PGBD1: variants seen among roughly 807,000 people sequenced by gnomAD.
PGBD1 encodes the protein piggyBac transposable element derived 1.
Under a neutral mutation model 34.7 loss-of-function variants are expected in PGBD1, and 25 were observed. The ratio of observed to expected loss-of-function variants is 0.72; its 90% CI spans 0.52 to 1.00. The LOEUF is 1.00. Ranked by LOEUF, PGBD1 falls within the 50% of genes least tolerant of loss-of-function variation. The pLI is 0.00. For synonymous variants in PGBD1, 292 were observed against 335.7 expected, an observed-to-expected ratio of 0.87 and a Z score of 1.42; for missense variants, 830 against 959.4, an observed-to-expected ratio of 0.87 and a Z score of 1.78.
chr6:28,288,884 A>T (rs2113746512), intron 4 of PGBD1, among the ~76,000 whole-genome samples: 1 of 152,242 alleles, frequency 6.6e-6, no homozygotes, highest in Admixed American at 6.5e-5. Flanking sequence ...GCTACTCGGG[A>T]GGCTGAGGCA....
intron 2 of PGBD1, among the ~76,000 whole-genome samples, chr6:28,284,763 A>T (rs1170455159): frequency 6.6e-6 from 1 of 152,168 alleles, no homozygotes; most frequent in Non-Finnish European, 1.5e-5. Flanking sequence ...TCAAGTGATC[A>T]TGCTGCCTTG....
At position 28,281,689 on chromosome 6, in the gene PGBD1, C is replaced by T; in HGVS notation, c.-268C>T. On this transcript the variant is annotated 5_prime_UTR_variant, in exon 1 of 7. Transcript: ENST00000682144. ...GGAGCACCGGGCCTCTGAGCTCCCT[C>T]GGGAGCCTTTCACGAGGTCAGCTAC... 3.0e-6 allele frequency: 1 copy of T among 337,102 alleles called. No individual in the cohort carries two copies. Among genetic ancestry groups the T allele is most frequent in the Admixed American group, 4.8e-5 (1 of 20,838 alleles). The allele number at this position is 337,102 out of a possible 1,614,324, so 20.9% of individuals were successfully genotyped here.
chr6:28,296,767 C>T lies in PGBD1; in HGVS notation c.643-49C>T. The T allele has an allele frequency of 2.5e-6, 4 of 1,605,636 alleles. No homozygotes were observed. In the African/African-American group the frequency reaches 5.3e-5, roughly 21 times the overall value. On this transcript the variant is annotated intron_variant, in intron 4 of 6. Coordinates refer to ENST00000682144, the MANE Select transcript of PGBD1 (RefSeq NM_032507.4). Reference sequence around the variant, plus strand: ...ATTCAACACCCTTCACAACTGGATTCCTTACCATGTGAAAACAAAGAGGCT... The same window carrying T: ...ATTCAACACCCTTCACAACTGGATTTCTTACCATGTGAAAACAAAGAGGCT...
chr6:28,294,155 G>T (rs1762556180), intron 4 of PGBD1, among the ~76,000 whole-genome samples: 1 of 152,202 alleles, frequency 6.6e-6, no homozygotes, highest in African/African-American at 2.4e-5. Flanking sequence ...TTGGATAGAA[G>T]ATCACACCAG....
At chr6:28,285,968 G>A (rs1418671332) in intron 3 of PGBD1, among the ~76,000 whole-genome samples, 1 of 152,132 alleles carries the variant, frequency 6.6e-6, no homozygotes, top group African/African-American at 2.4e-5. Flanking sequence ...TCTTATAACT[G>A]CAAGTTTATA....
intron 4 of PGBD1, among the ~76,000 whole-genome samples, chr6:28,294,922 T>C (rs981080173): frequency 2.0e-5 from 3 of 152,176 alleles, no homozygotes; most frequent in Non-Finnish European, 4.4e-5. Context: ...ATACATTTTT[T>C]AAGGCTATAG....
intron 4 of PGBD1, among the ~76,000 whole-genome samples, chr6:28,290,970 A>G (rs1029231668): frequency 6.6e-6 from 1 of 152,116 alleles, no homozygotes; most frequent in Non-Finnish European, 1.5e-5. Flanking sequence ...AAGGAAATTT[A>G]TAGCAATAAA....
intron 4 of PGBD1, among the ~76,000 whole-genome samples, chr6:28,290,113 T>G (rs1266351190): frequency 6.6e-6 from 1 of 152,178 alleles, no homozygotes; most frequent in Non-Finnish European, 1.5e-5. Context: ...TGTTGTTGTT[T>G]GAGATAGGGT....
chr6:28,281,660 C>G lies in PGBD1; in HGVS notation c.-297C>G. The stretch of plus-strand genomic sequence containing the variant: ...GCTCTGGGGAAACCGGCGCTCCCGA[C>G]AGGGGAGCACCGGGCCTCTGAGCTC... On this transcript the variant is annotated 5_prime_UTR_variant, in exon 1 of 7. Coordinates refer to ENST00000682144, the MANE Select transcript of PGBD1 (RefSeq NM_032507.4). 2.8e-6 allele frequency: 1 copy of G among 359,786 alleles called. No individual in the cohort carries two copies. Among genetic ancestry groups the G allele is most frequent in the Non-Finnish European group, 4.9e-6 (1 of 203,550 alleles). The allele number at this position is 359,786 out of a possible 1,614,324, so 22.3% of individuals were successfully genotyped here. A position where few individuals can be genotyped will look rare whatever the true frequency, so the allele number is the denominator to read the frequency against.
At chr6:28,299,396 C>T (rs2113757706) in intron 6 of PGBD1, among the ~76,000 whole-genome samples, 1 of 149,658 alleles carries the variant, frequency 6.7e-6, no homozygotes, top group African/African-American at 2.4e-5. Flanking sequence ...CCATTTCCTT[C>T]CCTCACAATA....
At position 28,300,835 on chromosome 6, in the gene PGBD1, C is replaced by T. The variant is rs896218150; in HGVS notation, c.981C>T (p.His327=). 1.9e-6 allele frequency: 3 copies of T among 1,614,008 alleles called. No homozygotes were observed. Among genetic ancestry groups the T allele is most frequent in the Non-Finnish European group, 8.5e-7 (1 of 1,180,038 alleles). Residue 327 remains histidine, a synonymous_variant, in exon 7 of 7, where the codon CAC becomes CAT. Coordinates refer to ENST00000682144, the MANE Select transcript of PGBD1 (RefSeq NM_032507.4). This position sits in a 1 kb window ranked among gnomAD's most constrained non-coding sequence, Gnocchi z 4.0. ...CAGGTGATTTGTGGGCCCGCATGCACATCTCATCCCTGGAATATGCTGCAG... is the reference window on the plus strand; with the variant it reads ...CAGGTGATTTGTGGGCCCGCATGCATATCTCATCCCTGGAATATGCTGCAG... ...RHPGDLWARM[H]ISSLEYAAGD...
At position 28,302,126 on chromosome 6, in the gene PGBD1, T is replaced by A; in HGVS notation, c.2272T>A (p.Trp758Arg). 1 of 1,614,096 alleles carries A rather than the reference T, an allele frequency of 6.2e-7. No homozygotes were observed. Among genetic ancestry groups the A allele is most frequent in the South Asian group, 1.1e-5 (1 of 91,080 alleles). ...KYRVRIRSKK[W>R]YSILVSYMID... ...CAGGGTGAGGATAAGAAGCAAGAAA[T>A]GGTACTCAATTTTGGTGAGCTACAT... The change falls in exon 7 of 7, where the codon TGG becomes AGG. Residue 758 changes from tryptophan (W) to arginine (R), a missense_variant. Physicochemically the swap from Trp to Arg is moderately radical, Grantham distance 101. Around this residue, in one of 3 missense-constraint regions of PGBD1, gnomAD observed 372 missense variants for 427.9 expected, o/e 0.87. Coordinates refer to ENST00000682144, the MANE Select transcript of PGBD1 (RefSeq NM_032507.4).
chr6:28,301,608 C>T lies in PGBD1; in HGVS notation c.1754C>T (p.Pro585Leu), dbSNP rs1259962308. 1 of 1,613,906 alleles carries T rather than the reference C, an allele frequency of 6.2e-7. No homozygotes were observed. The highest frequency in any genetic ancestry group is 8.5e-7 in the Non-Finnish European group (1 of 1,180,000). ...TTQGYLVWFEPYQEESTMKVD... is the reference protein window; with the variant it reads ...TTQGYLVWFELYQEESTMKVD... ...CAGGGTTATCTGGTTTGGTTTGAACCCTATCAAGAAGAATCAACTATGAAG... is the reference window on the plus strand; with the variant it reads ...CAGGGTTATCTGGTTTGGTTTGAACTCTATCAAGAAGAATCAACTATGAAG... The change falls in exon 7 of 7, where the codon CCC (proline) becomes CTC (leucine). Residue 585 changes from proline to leucine, a missense_variant. Pro to Leu is a moderately conservative substitution (Grantham distance 98). Transcript: ENST00000682144.
At chr6:28,287,995 A>T (rs1178990068) in intron 4 of PGBD1, among the ~76,000 whole-genome samples, 1 of 152,252 alleles carries the variant, frequency 6.6e-6, no homozygotes, top group African/African-American at 2.4e-5. Flanking sequence ...TGATGTGATT[A>T]TAACTAGGGA....
At chr6:28,287,694 C>CA (rs974253811) in intron 4 of PGBD1, among the ~76,000 whole-genome samples, 56 of 147,444 alleles carry the variant, frequency 3.8e-4, no homozygotes, top group South Asian at 2.1e-3. Context: ...CATTTATTTA[C>CA]AAAAAAAAAA....
chr6:28,293,155 A>C (rs555943302), intron 4 of PGBD1, among the ~76,000 whole-genome samples: 20 of 152,078 alleles, frequency 1.3e-4, no homozygotes, highest in South Asian at 4.1e-4. Flanking sequence ...GTTGGCCAGG[A>C]TGGTCTCGAT....
chr6:28,298,016 A>T, intron 6 of PGBD1, 25 bp downstream of exon 6: 1 of 1,453,330 alleles, frequency 6.9e-7, no homozygotes, highest in African/African-American at 1.4e-5. Context: ...TCCTCAGTGA[A>T]TCAAATCCTG....
chr6:28,281,684 T>C lies in PGBD1; in HGVS notation c.-273T>C. 2.9e-6 allele frequency: 1 copy of C among 341,580 alleles called. No individual in the cohort carries two copies. The highest frequency in any genetic ancestry group is 4.3e-5 in the East Asian group (1 of 23,016). 21.2% of individuals were successfully genotyped at this position (341,580 alleles called of 1,614,324 possible). A position where few individuals can be genotyped will look rare whatever the true frequency, so the allele number is the denominator to read the frequency against. On this transcript the variant is annotated 5_prime_UTR_variant, in exon 1 of 7. Coordinates refer to ENST00000682144, the MANE Select transcript of PGBD1 (RefSeq NM_032507.4). ...ACAGGGGAGCACCGGGCCTCTGAGC[T>C]CCCTCGGGAGCCTTTCACGAGGTCA...
At chr6:28,287,275 C>A in intron 4 of PGBD1, 107 bp downstream of exon 4, 2 of 923,014 alleles carry the variant, frequency 2.2e-6, no homozygotes, top group South Asian at 1.4e-5. Flanking sequence ...GAGAGCCATT[C>A]AGGTGGCATA....
Sources: gnomAD v4.1 joint callset for allele counts (sites outside exome capture counted in the v4.1 genomes callset) on GRCh38, gnomAD v4.1.1 for gene constraint, gnomAD v4.1.1 regional missense constraint, Gnocchi (gnomAD v3.1) non-coding constraint, MANE v1.5 for transcripts, NCBI Gene and HGNC (gene_info 2026-07-23, HGNC 2026-07-21) for gene names.